Variants in EYS observed in about 807,000 individuals in gnomAD.
The protein encoded by EYS is EGF-like photoreceptor maintenance factor.
EYS carries 250 observed loss-of-function variants against 282.1 expected under a neutral mutation model. The observed-to-expected ratio is 0.89, with a 90% CI of 0.80 to 0.98. The LOEUF is 0.98. Among genes scored for constraint, EYS ranks in the 50% least tolerant of loss-of-function variants. The pLI, the probability that EYS is intolerant of heterozygous loss-of-function variation, is 0.00. For missense variants in EYS, 4,016 were observed against 3,709.0 expected (o/e 1.08, Z -2.15); for synonymous variants, 1,355 against 1,282.9 (o/e 1.06, Z -1.20).
intron 41 of EYS, among the ~76,000 whole-genome samples, chr6:63,757,365 G>C (rs951570493): frequency 6.6e-6 from 1 of 152,026 alleles, no homozygotes. Context: ...AGGTCTGACT[G>C]GTTCTCTGCT....
intron 21 of EYS, among the ~76,000 whole-genome samples, chr6:64,814,392 G>A (rs1170622691): frequency 6.6e-6 from 1 of 151,940 alleles, no homozygotes; most frequent in African/African-American, 2.4e-5. Flanking sequence ...ATAAAATAAT[G>A]GCACTGTGTC....
intron 12 of EYS, among the ~76,000 whole-genome samples, chr6:65,251,239 C>A (rs1767315130): frequency 6.6e-6 from 1 of 151,116 alleles, no homozygotes; most frequent in Non-Finnish European, 1.5e-5. Flanking sequence ...AATGCATAAA[C>A]AAATAGCATC....
In EYS at chr6:63,730,803, C is replaced by T. The variant is rs185435293; in HGVS notation, c.8072-4123G>A. On this transcript the variant is annotated intron_variant, in intron 41 of 42. Transcript: ENST00000503581. ...TTGGGAGGGCAAGGTGGGCGGATCA[C>T]GAGGTCAAGAGATCGAGACCAACCT... 9.9e-5 allele frequency among the ~76,000 whole-genome samples: 15 copies of T among 152,180 alleles called. No individual in the cohort carries two copies. In the East Asian group the frequency reaches 1.5e-3, roughly 16 times the overall value.
intron 12 of EYS, 61 bp downstream of exon 12, chr6:65,295,802 T>C (rs1448028551): frequency 2.3e-6 from 3 of 1,321,696 alleles, no homozygotes; most frequent in African/African-American, 1.5e-5. Flanking sequence ...ATATATCAAA[T>C]AAATATATTA....
At chr6:64,375,756 T>C (rs1197134813) in intron 29 of EYS, among the ~76,000 whole-genome samples, 1 of 152,216 alleles carries the variant, frequency 6.6e-6, no homozygotes, top group African/African-American at 2.4e-5. Context: ...TAATAGGTTT[T>C]TTAGAGAAGG....
At chr6:65,453,091 C>A (rs149087400) in intron 5 of EYS, among the ~76,000 whole-genome samples, 2 of 151,938 alleles carry the variant, frequency 1.3e-5, no homozygotes, top group Admixed American at 6.6e-5. Flanking sequence ...GTCTAATATA[C>A]CCTAAAAGAA....
intron 13 of EYS, among the ~76,000 whole-genome samples, chr6:65,016,902 G>C (rs1772074891): frequency 6.6e-6 from 1 of 152,088 alleles, no homozygotes; most frequent in Admixed American, 6.6e-5. Context: ...ATATCCTTAA[G>C]GGACATTAAG....
At chr6:64,897,786 A>C (rs1397020371) in intron 18 of EYS, among the ~76,000 whole-genome samples, 1 of 152,228 alleles carries the variant, frequency 6.6e-6, no homozygotes, top group African/African-American at 2.4e-5. Context: ...TGAAAGCCAC[A>C]GCACAAGAAC....
chr6:63,763,468 C>T (rs1216108093), intron 40 of EYS, among the ~76,000 whole-genome samples: 1 of 151,966 alleles, frequency 6.6e-6, no homozygotes, highest in Non-Finnish European at 1.5e-5. Flanking sequence ...CAAATCTCAT[C>T]TTGAATTGTA....
intron 7 of EYS, among the ~76,000 whole-genome samples, chr6:65,398,007 A>C (rs1220885987): frequency 6.6e-6 from 1 of 151,962 alleles, no homozygotes; most frequent in Non-Finnish European, 1.5e-5. Context: ...CTGATGATTA[A>C]AGATGTTGAG....
intron 2 of EYS, among the ~76,000 whole-genome samples, chr6:65,547,919 C>T (rs1768453934): frequency 6.6e-6 from 1 of 152,150 alleles, no homozygotes; most frequent in African/African-American, 2.4e-5. Flanking sequence ...ACAGAGGCCT[C>T]CTTATTTACC....
intron 32 of EYS, among the ~76,000 whole-genome samples, chr6:64,071,029 C>T (rs953957385): frequency 7.9e-5 from 12 of 151,882 alleles, no homozygotes; most frequent in African/African-American, 2.9e-4. Flanking sequence ...AAAGGAAAAA[C>T]CAGAAACCAG....
At chr6:63,998,066 A>G (rs1047599528) in intron 34 of EYS, among the ~76,000 whole-genome samples, 7 of 152,130 alleles carry the variant, frequency 4.6e-5, no homozygotes, top group Admixed American at 6.6e-5. Context: ...CACTTGAACA[A>G]TTTTGAGTTG....
intron 12 of EYS, among the ~76,000 whole-genome samples, chr6:65,190,797 T>TC (rs1765623869): frequency 6.6e-6 from 1 of 151,966 alleles, no homozygotes; most frequent in East Asian, 1.9e-4. Context: ...TCTGCATGTA[T>TC]CACATCTTAA....
chr6:64,648,080 C>T (rs1012230985), intron 22 of EYS, among the ~76,000 whole-genome samples: 1 of 152,128 alleles, frequency 6.6e-6, no homozygotes, highest in Admixed American at 6.6e-5. Flanking sequence ...ATTTTGCATA[C>T]AAATCTTGTG....
At chr6:63,828,300 T>A (rs1439624916) in intron 36 of EYS, among the ~76,000 whole-genome samples, 1 of 152,124 alleles carries the variant, frequency 6.6e-6, no homozygotes, top group Non-Finnish European at 1.5e-5. Flanking sequence ...GCTGGTTCTT[T>A]GAAAAGATAA....
intron 2 of EYS, among the ~76,000 whole-genome samples, chr6:65,544,493 T>C (rs996542732): frequency 3.3e-5 from 5 of 152,004 alleles, no homozygotes; most frequent in Non-Finnish European, 7.4e-5. Flanking sequence ...GATCTGATGG[T>C]TTTATAAGGG....
chr6:64,901,798 C>T (rs1274668416), intron 18 of EYS, among the ~76,000 whole-genome samples: 1 of 151,960 alleles, frequency 6.6e-6, no homozygotes, highest in Non-Finnish European at 1.5e-5. Context: ...ACAGGAATTA[C>T]AAAATATTAT....
chr6:65,220,457 C>T (rs1402285430), intron 12 of EYS, among the ~76,000 whole-genome samples: 1 of 152,040 alleles, frequency 6.6e-6, no homozygotes, highest in Non-Finnish European at 1.5e-5. Context: ...AGAAAAATTC[C>T]TTGCACATGC....
Sources: gnomAD v4.1 joint callset for allele counts (sites outside exome capture counted in the v4.1 genomes callset) on GRCh38, gnomAD v4.1.1 for gene constraint, MANE v1.5 for transcripts, NCBI Gene and HGNC (gene_info 2026-07-23, HGNC 2026-07-21) for gene names.